Variants in UNC5C observed in about 807,000 individuals in gnomAD.
The protein encoded by UNC5C is unc-5 netrin receptor C.
UNC5C carries 47 observed loss-of-function variants against 99.8 expected under a neutral mutation model. The ratio of observed to expected loss-of-function variants is 0.47; its 90% CI spans 0.37 to 0.60. The LOEUF (loss-of-function observed/expected upper bound fraction) is 0.60, where lower values mean the gene tolerates loss of function less well. Among genes scored for constraint, UNC5C ranks in the 20% least tolerant of loss-of-function variants. The pLI is 0.00. For missense variants in UNC5C, 1,062 were observed against 1,165.9 expected (o/e 0.91, Z 1.30); for synonymous variants, 487 against 452.2 (o/e 1.08, Z -0.98).
intron 14 of UNC5C, among the ~76,000 whole-genome samples, chr4:95,172,819 A>T (rs1027484203): frequency 4.6e-5 from 7 of 152,034 alleles, no homozygotes; most frequent in Admixed American, 4.6e-4. Flanking sequence ...GAATCTATAG[A>T]TTACCTTGGG....
intron 3 of UNC5C, among the ~76,000 whole-genome samples, chr4:95,289,143 C>G (rs758104701): frequency 6.6e-6 from 1 of 152,300 alleles, no homozygotes; most frequent in South Asian, 2.1e-4. Context: ...AAATAGCACA[C>G]TTAGGACAGT....
intron 1 of UNC5C, among the ~76,000 whole-genome samples, chr4:95,341,195 G>T (rs948679855): frequency 6.7e-6 from 1 of 148,296 alleles, no homozygotes; most frequent in Admixed American, 6.7e-5. Context: ...GTACGAAGAT[G>T]TCCACTGCAG....
At chr4:95,267,627 T>C (rs1445241934) in intron 4 of UNC5C, among the ~76,000 whole-genome samples, 1 of 152,074 alleles carries the variant, frequency 6.6e-6, no homozygotes, top group Non-Finnish European at 1.5e-5. Context: ...TCTGATACAC[T>C]TTGACTATCT....
rs765934439 is a variant in UNC5C, at chr4:95,469,705, T to G, written c.124+79029A>C. On this transcript the variant is annotated intron_variant, in intron 1 of 15. Transcript: ENST00000453304. ...TATTCCTTGTAATGTCATGACTTTT[T>G]TTCTGCTTCTTGGGAGCACTTTCAG... Among the ~76,000 whole-genome samples, 25 of 152,152 alleles carry G rather than the reference T, an allele frequency of 1.6e-4. 1 individual carries two copies. Among genetic ancestry groups the G allele is most frequent in the Non-Finnish European group, 3.7e-4 (25 of 68,034 alleles).
chr4:95,371,495 A>T (rs1188194949), intron 1 of UNC5C, among the ~76,000 whole-genome samples: 1 of 152,012 alleles, frequency 6.6e-6, no homozygotes, highest in Non-Finnish European at 1.5e-5. Flanking sequence ...AAGATGCAGC[A>T]TAATCTGATG....
intron 1 of UNC5C, among the ~76,000 whole-genome samples, chr4:95,423,991 T>C (rs1340796293): frequency 6.6e-6 from 1 of 152,230 alleles, no homozygotes; most frequent in Non-Finnish European, 1.5e-5. Flanking sequence ...GAAAACTATA[T>C]AACAAAATTG....
At chr4:95,225,774 C>T (rs866508523) in intron 7 of UNC5C, among the ~76,000 whole-genome samples, 1 of 152,032 alleles carries the variant, frequency 6.6e-6, no homozygotes, top group Non-Finnish European at 1.5e-5. Context: ...GTGTACTCAC[C>T]AAAGGTTTGA....
chr4:95,544,428 C>T (rs1287471649), intron 1 of UNC5C, among the ~76,000 whole-genome samples: 3 of 152,132 alleles, frequency 2.0e-5, no homozygotes, highest in Non-Finnish European at 2.9e-5. Context: ...AATTTTAGAA[C>T]CCCCCACCCA....
intron 1 of UNC5C, among the ~76,000 whole-genome samples, chr4:95,442,817 T>TAC (rs10578644): frequency 0.015 from 2,275 of 150,362 alleles, 20 homozygotes; most frequent in Non-Finnish European, 0.017. Flanking sequence ...TGTGCGCCAA[T>TAC]ACACACACAC....
intron 2 of UNC5C, among the ~76,000 whole-genome samples, chr4:95,330,314 G>A (rs916162017): frequency 6.6e-6 from 1 of 151,974 alleles, no homozygotes; most frequent in Admixed American, 6.6e-5. Flanking sequence ...AAATGATGGT[G>A]ACATTACAGA....
chr4:95,286,737 CCAAT>C (rs952522806), intron 3 of UNC5C, among the ~76,000 whole-genome samples: 2 of 152,150 alleles, frequency 1.3e-5, no homozygotes, highest in South Asian at 2.1e-4. Flanking sequence ...GGGTACAAAA[CCAAT>C]CAATCAGCTT....
At chr4:95,430,417 T>G (rs941529930) in intron 1 of UNC5C, among the ~76,000 whole-genome samples, 1 of 152,110 alleles carries the variant, frequency 6.6e-6, no homozygotes, top group Non-Finnish European at 1.5e-5. Flanking sequence ...GTGTCATGAT[T>G]AAATGTACCC....
At chr4:95,537,924 C>T (rs1722823311) in intron 1 of UNC5C, among the ~76,000 whole-genome samples, 1 of 152,148 alleles carries the variant, frequency 6.6e-6, no homozygotes, top group African/African-American at 2.4e-5. Context: ...AAAATCACTT[C>T]ACTTTAAATA....
intron 1 of UNC5C, among the ~76,000 whole-genome samples, chr4:95,407,418 T>C (rs889238188): frequency 6.6e-6 from 1 of 151,938 alleles, no homozygotes; most frequent in African/African-American, 2.4e-5. Context: ...GGCAGGGCAG[T>C]GGGCAGAGAA....
intron 1 of UNC5C, among the ~76,000 whole-genome samples, chr4:95,415,708 T>C (rs1282758659): frequency 6.6e-6 from 1 of 152,136 alleles, no homozygotes; most frequent in Non-Finnish European, 1.5e-5. Flanking sequence ...AACTTGATGG[T>C]TAGCAACCTT....
chr4:95,438,539 A>T lies in UNC5C; in HGVS notation c.125-102908T>A, dbSNP rs1025566662. On this transcript the variant is annotated intron_variant, in intron 1 of 15. Coordinates refer to ENST00000453304, the MANE Select transcript of UNC5C (RefSeq NM_003728.4). ...AAACAGAAAAATTTGGTTTGCAAAA[A>T]ATGTTTTTAGCTTTTTGCTGATACA... is the stretch of plus-strand genomic sequence containing the variant. 4.6e-5 allele frequency among the ~76,000 whole-genome samples: 7 copies of T among 152,252 alleles called. No individual in the cohort carries two copies. In the South Asian group the frequency reaches 1.4e-3, roughly 32 times the overall value.
At chr4:95,289,011 A>G (rs7695123) in intron 3 of UNC5C, among the ~76,000 whole-genome samples, 99,701 of 151,716 alleles carry the variant, frequency 0.66, 33,723 homozygotes, top group African/African-American at 0.83. Flanking sequence ...CTGCTCTGCC[A>G]TAGTTTAATC....
intron 1 of UNC5C, among the ~76,000 whole-genome samples, chr4:95,543,500 G>A (rs548156174): frequency 6.6e-6 from 1 of 152,222 alleles, no homozygotes; most frequent in East Asian, 1.9e-4. Context: ...TGAAAGTTCT[G>A]GTGAATTTTC....
At chr4:95,175,182 C>G (rs1262477247) in intron 14 of UNC5C, among the ~76,000 whole-genome samples, 2 of 150,106 alleles carry the variant, frequency 1.3e-5, no homozygotes, top group African/African-American at 4.9e-5. Context: ...ACTGATGGGT[C>G]TTGACTCTTT....
Sources: gnomAD v4.1 joint callset for allele counts (sites outside exome capture counted in the v4.1 genomes callset) on GRCh38, gnomAD v4.1.1 for gene constraint, MANE v1.5 for transcripts, NCBI Gene and HGNC (gene_info 2026-07-23, HGNC 2026-07-21) for gene names.